Variants in DLGAP1 observed in about 807,000 individuals in gnomAD.
DLGAP1 encodes the protein DLG associated protein 1, also known as disks large-associated protein 1.
DLGAP1 carries 11 observed loss-of-function variants against 90.8 expected under a neutral mutation model. The observed-to-expected ratio is 0.12, with a 90% CI of 0.08 to 0.20. The LOEUF is 0.20. Among genes scored for constraint, DLGAP1 ranks in the 10% least tolerant of loss-of-function variants. DLGAP1 has a pLI of 1.00. For synonymous variants in DLGAP1, 558 were observed against 540.7 expected (o/e 1.03, Z -0.44); for missense variants, 1,050 against 1,333.8 (o/e 0.79, Z 3.31).
intron 1 of DLGAP1, among the ~76,000 whole-genome samples, chr18:4,335,768 C>T (rs1034403741): frequency 2.0e-5 from 3 of 152,042 alleles, no homozygotes; most frequent in Admixed American, 6.6e-5. Flanking sequence ...ATGTTTGGTG[C>T]AAAATGTGTT....
intron 1 of DLGAP1, among the ~76,000 whole-genome samples, chr18:4,337,681 G>T (rs1039826825): frequency 4.6e-5 from 7 of 152,014 alleles, no homozygotes; most frequent in East Asian, 3.9e-4. Context: ...TAATTGACCA[G>T]CCGAAACCAA....
intron 9 of DLGAP1, among the ~76,000 whole-genome samples, chr18:3,558,210 G>A (rs1008589734): frequency 6.6e-6 from 1 of 152,026 alleles, no homozygotes. Context: ...AGTTCTATCA[G>A]TTCAAGAACT....
At chr18:3,866,372 TC>T (rs1369147935) in intron 4 of DLGAP1, among the ~76,000 whole-genome samples, 1 of 152,168 alleles carries the variant, frequency 6.6e-6, no homozygotes, top group Non-Finnish European at 1.5e-5. Context: ...TACAGAAGTT[TC>T]CCTCCTGGAT....
At chr18:4,426,272 G>C (rs901492893) in intron 1 of DLGAP1, among the ~76,000 whole-genome samples, 7 of 152,170 alleles carry the variant, frequency 4.6e-5, no homozygotes, top group Non-Finnish European at 1.0e-4. Flanking sequence ...GGCCTGATTT[G>C]AGGCCACGAT....
chr18:3,524,508 T>C (rs1196120317), intron 10 of DLGAP1, among the ~76,000 whole-genome samples: 1 of 152,202 alleles, frequency 6.6e-6, no homozygotes, highest in Non-Finnish European at 1.5e-5. Context: ...TATGTTAATT[T>C]GCTTCATAAT....
chr18:4,021,557 A>C (rs192568158), intron 2 of DLGAP1, among the ~76,000 whole-genome samples: 3 of 152,204 alleles, frequency 2.0e-5, no homozygotes, highest in African/African-American at 7.2e-5. Flanking sequence ...TCTTCTTTGT[A>C]AAATTGCCTG....
At chr18:3,506,723 T>G (rs1482311695) in intron 11 of DLGAP1, among the ~76,000 whole-genome samples, 17 of 152,166 alleles carry the variant, frequency 1.1e-4, no homozygotes, top group Admixed American at 1.1e-3. Context: ...GACTTCCTTA[T>G]GTACCTATTC....
chr18:3,786,715 TGGAAAATA>T (rs1239003831), intron 5 of DLGAP1, among the ~76,000 whole-genome samples: 1 of 152,176 alleles, frequency 6.6e-6, no homozygotes, highest in Non-Finnish European at 1.5e-5. Flanking sequence ...GCTAAGTTAA[TGGAAAATA>T]GGAGTGAATG....
intron 2 of DLGAP1, among the ~76,000 whole-genome samples, chr18:4,112,086 G>A (rs2144011186): frequency 6.6e-6 from 1 of 151,882 alleles, no homozygotes; most frequent in South Asian, 2.1e-4. Flanking sequence ...ACTTCCCTGT[G>A]ATCACTGCTT....
At position 4,302,488 on chromosome 18, in the gene DLGAP1, T is replaced by C. The variant is rs764963214; in HGVS notation, c.-266-151201A>G. Among the ~76,000 whole-genome samples the C allele has an allele frequency of 6.8e-4, 104 of 151,840 alleles. 2 individuals are homozygous for C. The highest frequency in any genetic ancestry group is 4.1e-4 in the Non-Finnish European group (28 of 67,990). Reference sequence around the variant, plus strand: ...TTTTCTGGGCCTCTATTCTGTTCCATTGGTCAATGTGTGTATTTTTAAATT... The same window carrying C: ...TTTTCTGGGCCTCTATTCTGTTCCACTGGTCAATGTGTGTATTTTTAAATT... On this transcript the variant is annotated intron_variant, in intron 1 of 12. Coordinates refer to ENST00000315677, the MANE Select transcript of DLGAP1 (RefSeq NM_004746.4).
chr18:4,194,549 TGA>T (rs1245304884), intron 1 of DLGAP1, among the ~76,000 whole-genome samples: 4 of 152,228 alleles, frequency 2.6e-5, no homozygotes, highest in Admixed American at 6.5e-5. Context: ...TACATATGTG[TGA>T]GAGTGTACGT....
intron 7 of DLGAP1, among the ~76,000 whole-genome samples, chr18:3,629,071 A>C (rs1463764132): frequency 2.0e-5 from 3 of 152,220 alleles, no homozygotes; most frequent in Non-Finnish European, 4.4e-5. Context: ...ATACACTCCC[A>C]TAACAGTGCA....
At chr18:4,329,351 A>G (rs2080897015) in intron 1 of DLGAP1, among the ~76,000 whole-genome samples, 1 of 151,286 alleles carries the variant, frequency 6.6e-6, no homozygotes, top group East Asian at 1.9e-4. Context: ...TAATGATCTA[A>G]TATGTATTCT....
intron 1 of DLGAP1, among the ~76,000 whole-genome samples, chr18:4,287,571 T>G (rs1477058435): frequency 6.6e-6 from 1 of 152,158 alleles, no homozygotes; most frequent in Non-Finnish European, 1.5e-5. Context: ...GAAACCATCA[T>G]TCTCGGCAAA....
chr18:3,758,262 A>G (rs576134980), intron 5 of DLGAP1, among the ~76,000 whole-genome samples: 2 of 152,186 alleles, frequency 1.3e-5, no homozygotes, highest in East Asian at 1.9e-4. Flanking sequence ...AACCTGACCA[A>G]TGAAATCTGG....
rs142465838 is a variant in DLGAP1 at position 4,153,849 on chromosome 18, A to G, written c.-266-2562T>C. Reference sequence around the variant, plus strand: ...GTCAAAGGGGTCCTCGTTCCTGGACATCCCTGATTGGACCAGGAGAGGTGT... The same window carrying G: ...GTCAAAGGGGTCCTCGTTCCTGGACGTCCCTGATTGGACCAGGAGAGGTGT... On this transcript the variant is annotated intron_variant, in intron 1 of 12. Transcript: ENST00000315677. 1.6e-3 allele frequency among the ~76,000 whole-genome samples: 244 copies of G among 152,220 alleles called. 2 individuals are homozygous for G. The highest frequency in any genetic ancestry group is 5.4e-3 in the African/African-American group (226 of 41,532).
intron 4 of DLGAP1, among the ~76,000 whole-genome samples, chr18:3,827,431 G>A (rs954490146): frequency 6.6e-6 from 1 of 152,196 alleles, no homozygotes; most frequent in Non-Finnish European, 1.5e-5. Context: ...CTGTCACATT[G>A]ACTTCTTCCC....
chr18:4,442,094 C>G (rs2083549766), intron 1 of DLGAP1, among the ~76,000 whole-genome samples: 1 of 152,182 alleles, frequency 6.6e-6, no homozygotes, highest in South Asian at 2.1e-4. Context: ...TGGGTTCAAG[C>G]AATTCTTCTG....
chr18:3,938,483 G>A (rs2072692123), intron 3 of DLGAP1, among the ~76,000 whole-genome samples: 1 of 152,182 alleles, frequency 6.6e-6, no homozygotes, highest in Non-Finnish European at 1.5e-5. Context: ...TCTTGGCCGA[G>A]GGAAGTGCAG....
Sources: allele counts gnomAD v4.1 joint callset (sites outside exome capture counted in the v4.1 genomes callset), GRCh38; gene constraint gnomAD v4.1.1; transcripts MANE v1.5; gene names NCBI Gene and HGNC (gene_info 2026-07-23, HGNC 2026-07-21).